Variants in ADAM19 observed in about 807,000 individuals in gnomAD.
ADAM19 encodes the protein ADAM metallopeptidase domain 19, also known as disintegrin and metalloproteinase domain-containing protein 19.
ADAM19 carries 65 observed loss-of-function variants against 114.7 expected under a neutral mutation model. The ratio of observed to expected loss-of-function variants is 0.57; its 90% CI spans 0.46 to 0.70. The LOEUF is 0.70. Ranked by LOEUF, ADAM19 falls within the 30% of genes least tolerant of loss-of-function variation. ADAM19 has a pLI of 0.00. For synonymous variants in ADAM19, 466 were observed against 460.5 expected, an observed-to-expected ratio of 1.01 and a Z score of -0.15; for missense variants, 1,063 against 1,204.7, an observed-to-expected ratio of 0.88 and a Z score of 1.74.
At chr5:157,540,244 A>C (rs1159540140) in intron 3 of ADAM19, among the ~76,000 whole-genome samples, 1 of 152,104 alleles carries the variant, frequency 6.6e-6, no homozygotes, top group East Asian at 1.9e-4. Context: ...CCAGCCATGA[A>C]CTCTCCAGTA....
At chr5:157,538,046 T>C (rs1756813095) in intron 3 of ADAM19, 55 bp from the exon 4 acceptor site, 3 of 1,417,406 alleles carry the variant, frequency 2.1e-6, no homozygotes, top group Admixed American at 3.4e-5. Flanking sequence ...TCCACCCTCC[T>C]AGCAACAACG....
At position 157,480,652 on chromosome 5, in the gene ADAM19, G is replaced by A. The variant is rs1215937041; in HGVS notation, c.*297C>T. On this transcript the variant is annotated 3_prime_UTR_variant, in exon 23 of 23. Coordinates refer to ENST00000257527, the MANE Select transcript of ADAM19 (RefSeq NM_033274.5). ...TGAGCATCTCCATCAGCACCTCGGG[G>A]CTAGGAGTCTGGAGGAGAAGCTGCC... 1 of 1,219,492 alleles carries A rather than the reference G, an allele frequency of 8.2e-7. No homozygotes were observed. 75.5% of individuals were successfully genotyped at this position (1,219,492 alleles called of 1,614,324 possible). A position where few individuals can be genotyped will look rare whatever the true frequency, so the allele number is the denominator to read the frequency against.
intron 3 of ADAM19, among the ~76,000 whole-genome samples, chr5:157,553,714 A>G (rs920899485): frequency 6.6e-6 from 1 of 151,922 alleles, no homozygotes; most frequent in Non-Finnish European, 1.5e-5. Flanking sequence ...TGTAATAACA[A>G]GAAATCAGAA....
At chr5:157,519,260 A>G (rs11466760) in intron 6 of ADAM19, among the ~76,000 whole-genome samples, 13,619 of 152,264 alleles carry the variant, frequency 0.089, 719 homozygotes, top group Middle Eastern at 0.17. Context: ...CAATATGAGG[A>G]CTGTGTGCAT....
chr5:157,550,141 A>C (rs374460289), intron 3 of ADAM19, among the ~76,000 whole-genome samples: 19 of 152,242 alleles, frequency 1.2e-4, no homozygotes, highest in Admixed American at 3.9e-4. Flanking sequence ...ACCGTAACAA[A>C]GTATCACAAA....
At chr5:157,548,418 T>C (rs971569687) in intron 3 of ADAM19, among the ~76,000 whole-genome samples, 3 of 152,138 alleles carry the variant, frequency 2.0e-5, no homozygotes, top group Non-Finnish European at 2.9e-5. Context: ...ATTTGTTTAA[T>C]GAAGGAAGAG....
In ADAM19 at chr5:157,480,385, T is replaced by C. The variant is rs1754708957; in HGVS notation, c.*564A>G. Reference sequence around the variant, plus strand: ...GTGGGAGGGGACGTGGCTTGTCACATGCAGCCATACAGCCAGAAGCCGTTC... The same window carrying C: ...GTGGGAGGGGACGTGGCTTGTCACACGCAGCCATACAGCCAGAAGCCGTTC... On this transcript the variant is annotated 3_prime_UTR_variant, in exon 23 of 23. Transcript: ENST00000257527. 1 of 987,962 alleles carries C rather than the reference T, an allele frequency of 1.0e-6. No individual in the cohort carries two copies. The highest frequency in any genetic ancestry group is 1.2e-6 in the Non-Finnish European group (1 of 831,856). The allele number at this position is 987,962 out of a possible 1,614,324, so 61.2% of individuals were successfully genotyped here. A position where few individuals can be genotyped will look rare whatever the true frequency, so the allele number is the denominator to read the frequency against.
At chr5:157,558,032 G>A (rs1757413904) in intron 3 of ADAM19, among the ~76,000 whole-genome samples, 1 of 152,136 alleles carries the variant, frequency 6.6e-6, no homozygotes, top group Non-Finnish European at 1.5e-5. Flanking sequence ...GGGACAACAT[G>A]GGAAATGCAA....
intron 4 of ADAM19, among the ~76,000 whole-genome samples, chr5:157,531,652 G>A (rs1756627867): frequency 6.6e-6 from 1 of 151,260 alleles, no homozygotes; most frequent in Non-Finnish European, 1.5e-5. Flanking sequence ...GGGCGACAGA[G>A]TGAGATTCTG....
intron 1 of ADAM19, among the ~76,000 whole-genome samples, chr5:157,573,714 C>T (rs950146246): frequency 1.3e-5 from 2 of 151,006 alleles, no homozygotes; most frequent in African/African-American, 4.9e-5. Flanking sequence ...CCACTGCATG[C>T]CAGCCTGGGC....
At chr5:157,552,816 A>C (rs575045977) in intron 3 of ADAM19, among the ~76,000 whole-genome samples, 5 of 152,298 alleles carry the variant, frequency 3.3e-5, no homozygotes, top group African/African-American at 1.2e-4. Context: ...GGATAAAGAA[A>C]ATGTGGTACA....
intron 1 of ADAM19, among the ~76,000 whole-genome samples, chr5:157,574,472 G>A (rs547125678): frequency 2.1e-4 from 32 of 152,166 alleles, no homozygotes; most frequent in African/African-American, 7.5e-4. Context: ...GCCCGACCTC[G>A]GCCCCTGGAA....
At chr5:157,489,041 T>A (rs1581289539) in intron 20 of ADAM19, 61 bp downstream of exon 20, 4 of 951,594 alleles carry the variant, frequency 4.2e-6, no homozygotes, top group South Asian at 2.9e-5. Context: ...AAAAGAAAAA[T>A]ACAGCATGGC....
intron 12 of ADAM19, 111 bp from the exon 13 acceptor site, chr5:157,499,773 C>CACTT: frequency 2.4e-6 from 1 of 419,702 alleles, no homozygotes. Context: ...GCAACTATCT[C>CACTT]TTTTTTTTTT....
intron 19 of ADAM19, 126 bp from the exon 20 acceptor site, chr5:157,489,312 G>C: frequency 1.4e-6 from 1 of 701,162 alleles, no homozygotes; most frequent in Non-Finnish European, 2.6e-6. Flanking sequence ...GCTCTGGAGG[G>C]AGTGGGATTG....
rs1351776765 is a variant in ADAM19, at chr5:157,482,001, T to C, written c.2551-58A>G. 3 of 1,344,214 alleles carry C rather than the reference T, an allele frequency of 2.2e-6. No individual in the cohort carries two copies. The Admixed American group carries it at 7.9e-5, about 35-fold the overall frequency. 83.3% of individuals were successfully genotyped at this position (1,344,214 alleles called of 1,614,324 possible). A position where few individuals can be genotyped will look rare whatever the true frequency, so the allele number is the denominator to read the frequency against. On this transcript the variant is annotated intron_variant, in intron 21 of 22. Coordinates refer to ENST00000257527, the MANE Select transcript of ADAM19 (RefSeq NM_033274.5). ...CCAGAGGCCTGTTTGAAAGAAAATA[T>C]CCCTGATATCTTACAGGTTAAAATC...
intron 3 of ADAM19, among the ~76,000 whole-genome samples, chr5:157,554,600 G>A (rs1757313793): frequency 6.6e-6 from 1 of 152,206 alleles, no homozygotes; most frequent in African/African-American, 2.4e-5. Context: ...CCTCCCAGGG[G>A]CAATGGGTTT....
intron 3 of ADAM19, among the ~76,000 whole-genome samples, chr5:157,562,376 A>G (rs1169320779): frequency 6.6e-6 from 1 of 152,196 alleles, no homozygotes; most frequent in East Asian, 1.9e-4. Context: ...CTGCTCTCGG[A>G]AAAGCAGATG....
chr5:157,567,712 G>A (rs545463585), intron 2 of ADAM19, among the ~76,000 whole-genome samples: 5 of 152,008 alleles, frequency 3.3e-5, no homozygotes, highest in African/African-American at 7.2e-5. Context: ...CAGAAGAATC[G>A]CTTGAACCCA....
Sources: gnomAD v4.1 joint callset for allele counts (sites outside exome capture counted in the v4.1 genomes callset) on GRCh38, gnomAD v4.1.1 for gene constraint, MANE v1.5 for transcripts, NCBI Gene and HGNC (gene_info 2026-07-23, HGNC 2026-07-21) for gene names.